Variants in SALL2 observed in about 807,000 individuals in gnomAD.
SALL2 encodes the protein sal-like protein 2.
In SALL2, 32 loss-of-function variants were observed where a neutral mutation model predicts 58.5. The ratio of observed to expected loss-of-function variants is 0.55; its 90% confidence interval spans 0.41 to 0.74. The LOEUF (loss-of-function observed/expected upper bound fraction) is 0.74, where lower values mean the gene tolerates loss of function less well. Ranked by LOEUF, SALL2 falls within the 30% of genes least tolerant of loss-of-function variation. The pLI is 0.00. For synonymous variants in SALL2, 516 were observed against 513.6 expected (o/e 1.00, Z -0.06); for missense variants, 1,201 against 1,268.9 (o/e 0.95, Z 0.81).
Position 21,523,444 on chromosome 14 carries a change from A to T in SALL2, c.2278T>A (p.Leu760Met). The change falls in exon 2 of 2, where the codon TTG becomes ATG. Residue 760 changes from leucine to methionine, a missense_variant. Physicochemically the swap from Leu to Met is conservative, Grantham distance 15. Coordinates refer to ENST00000537235, the MANE Select transcript of SALL2 (RefSeq NM_001364564.1). The surrounding 1 kb of genome is among the most constrained non-coding windows in gnomAD (Gnocchi z 4.4). ...TCCTCCTCTTCCTCCTCCTCAGACA[A>T]CTCCTCTTCCGGTGATGGCTGCTGG... Reference protein sequence around the residue: ...QSQQPSPEEELSEEEEEEDEE... With the variant: ...QSQQPSPEEEMSEEEEEEDEE... 6.2e-7 allele frequency: 1 copy of T among 1,612,302 alleles called. No individual in the cohort carries two copies. Among genetic ancestry groups the T allele is most frequent in the Non-Finnish European group, 8.5e-7 (1 of 1,179,498 alleles).
chr14:21,528,677 G>A (rs2139678510), upstream of SALL2, among the ~76,000 whole-genome samples: 1 of 152,262 alleles, frequency 6.6e-6, no homozygotes. Context: ...GCTTGGAGAG[G>A]TTAAGTGACT....
chr14:21,526,443 G>A (rs1594465190), upstream of SALL2: 1 of 1,324,682 alleles, frequency 7.5e-7, no homozygotes, highest in South Asian at 1.7e-5. Context: ...TAGCGGGGGC[G>A]TGGGGGCGGG....
chr14:21,534,530 G>GAC (rs1333364921), intron 1 of SALL2, among the ~76,000 whole-genome samples: 1 of 152,084 alleles, frequency 6.6e-6, no homozygotes, highest in African/African-American at 2.4e-5. Flanking sequence ...ATCCATTCAA[G>GAC]ACAGCCGCTA....
upstream of SALL2, among the ~76,000 whole-genome samples, chr14:21,530,310 G>A (rs566955497): frequency 2.6e-5 from 3 of 113,440 alleles, no homozygotes; most frequent in South Asian, 5.5e-4. Context: ...TTTTTGAGAC[G>A]GAGTTTTGCT....
chr14:21,522,838 G>A lies in SALL2; in HGVS notation c.2884C>T (p.His962Tyr), dbSNP rs1892094216. ...TLKKHMLLAH[H>Y]QVQPFAPHGP... ...TGGGGGGCAAAGGGCTGTACCTGGT[G>A]GTGTGCCAGGAGCATATGCTTCTTG... The change falls in exon 2 of 2, where the codon CAC becomes TAC. Residue 962 changes from histidine to tyrosine, a missense_variant. Around this residue, in one of 3 missense-constraint regions of SALL2, gnomAD observed 675 missense variants for 683.8 expected, o/e 0.99. Coordinates refer to ENST00000537235, the MANE Select transcript of SALL2 (RefSeq NM_001364564.1). 2 of 1,610,558 alleles carry A rather than the reference G, an allele frequency of 1.2e-6. No individual in the cohort carries two copies. Among genetic ancestry groups the A allele is most frequent in the Non-Finnish European group, 1.7e-6 (2 of 1,178,526 alleles).
upstream of SALL2, among the ~76,000 whole-genome samples, chr14:21,528,063 A>G (rs978985816): frequency 5.3e-5 from 8 of 151,848 alleles, no homozygotes; most frequent in East Asian, 1.2e-3. Flanking sequence ...GCTTGAACCC[A>G]GGAGGTGGAG....
At chr14:21,536,821 G>C in intron 1 of SALL2, 1 of 1,610,000 alleles carries the variant, frequency 6.2e-7, no homozygotes, top group Non-Finnish European at 8.5e-7. Flanking sequence ...TTGGACTTAG[G>C]GGCCCCCACC....
chr14:21,532,972 A>AT (rs1555329460), intron 1 of SALL2, among the ~76,000 whole-genome samples: 1 of 151,664 alleles, frequency 6.6e-6, no homozygotes. Context: ...CAAAATAATA[A>AT]AAATAAATAA....
chr14:21,526,204 G>C lies in SALL2; in HGVS notation c.-77C>G. On this transcript the variant is annotated 5_prime_UTR_variant, in exon 1 of 2. Transcript: ENST00000537235. ...GATTGAGGGAGGCGATGGCCGCTGG[G>C]TCTGCGGCAGCCTCTGCACCCAGCG... 1 of 1,522,918 alleles carries C rather than the reference G, an allele frequency of 6.6e-7. No individual in the cohort carries two copies. The highest frequency in any genetic ancestry group is 8.8e-7 in the Non-Finnish European group (1 of 1,138,818). The allele number at this position is 1,522,918 out of a possible 1,614,324, so 94.3% of individuals were successfully genotyped here.
In SALL2 at chr14:21,522,813, TG is replaced by T; in HGVS notation, c.2908del (p.His970MetfsTer11). On this transcript the variant is annotated frameshift_variant, in exon 2 of 2. Transcript: ENST00000537235. LOFTEE classifies it high-confidence loss of function. ...AAGAGCAGCAATATTCTGAGGGCCA[TG>T]GGGGGCAAAGGGCTGTACCTGGTGG... Reference protein sequence around the residue: ...AHHQVQPFAPHGPQNIAALSL... With the variant: ...AHHQVQPFAPXGPQNIAALSL... The T allele has an allele frequency of 6.2e-7, 1 of 1,607,836 alleles. No individual in the cohort carries two copies.
At position 21,526,291 on chromosome 14, in the gene SALL2, G is replaced by C; in HGVS notation, c.-164C>G. ...GGCAGGGAGCAGCGGCGGAGGGGGA[G>C]GGGAGCGAGGAGGCGGGGAGAAGCT... On this transcript the variant is annotated 5_prime_UTR_variant, in exon 1 of 2. Transcript: ENST00000537235. 6.9e-7 allele frequency: 1 copy of C among 1,438,928 alleles called. No individual in the cohort carries two copies. The highest frequency in any genetic ancestry group is 9.1e-7 in the Non-Finnish European group (1 of 1,100,964). The allele number at this position is 1,438,928 out of a possible 1,614,324, so 89.1% of individuals were successfully genotyped here. A position where few individuals can be genotyped will look rare whatever the true frequency, so the allele number is the denominator to read the frequency against.
chr14:21,535,712 C>A (rs77341652), intron 1 of SALL2, among the ~76,000 whole-genome samples: 1 of 152,260 alleles, frequency 6.6e-6, no homozygotes, highest in African/African-American at 2.4e-5. Context: ...GTTTCAGAAC[C>A]CTTGTGCTTA....
rs777874080 is a variant in SALL2 at position 21,524,849 on chromosome 14, C to T, written c.873G>A (p.Gly291=). Residue 291 remains glycine (G), a synonymous_variant, in exon 2 of 2, where the codon GGG becomes GGA. Coordinates refer to ENST00000537235, the MANE Select transcript of SALL2 (RefSeq NM_001364564.1). The part of the protein sequence containing the change: ...SQHPFSAGGV[G]RSHKPTPAPS... ...GGGCAGGGGTGGGTTTGTGGCTTCGCCCAACCCCTCCAGCAGAGAAAGGAT... is the reference window on the plus strand; with the variant it reads ...GGGCAGGGGTGGGTTTGTGGCTTCGTCCAACCCCTCCAGCAGAGAAAGGAT... 3.1e-6 allele frequency: 5 copies of T among 1,613,374 alleles called. No homozygotes were observed. Among genetic ancestry groups the T allele is most frequent in the South Asian group, 1.1e-5 (1 of 90,982 alleles).
chr14:21,532,371 G>T (rs1482666859), intron 1 of SALL2, among the ~76,000 whole-genome samples: 1 of 152,152 alleles, frequency 6.6e-6, no homozygotes, highest in Non-Finnish European at 1.5e-5. Flanking sequence ...TGATGAAAAA[G>T]ATATTGAAAC....
In SALL2 at chr14:21,524,006, G is replaced by C. The variant is rs758581809; in HGVS notation, c.1716C>G (p.Pro572=). 1.1e-5 allele frequency: 18 copies of C among 1,614,246 alleles called. No homozygotes were observed. The highest frequency in any genetic ancestry group is 1.4e-5 in the Non-Finnish European group (17 of 1,180,042). Residue 572 remains proline, a synonymous_variant, in exon 2 of 2, where the codon CCC becomes CCG. Transcript: ENST00000537235. ...CCAAGGGCTCTAGCACATAGGGGAA[G>C]GGGAAGCTGCCAGTGGACTTGAAGT... The part of the protein sequence containing the change: ...TNHFKSTGSF[P]FPYVLEPLGA...
intron 1 of SALL2, among the ~76,000 whole-genome samples, chr14:21,535,506 C>T (rs923977252): frequency 6.6e-6 from 1 of 152,134 alleles, no homozygotes; most frequent in Non-Finnish European, 1.5e-5. Flanking sequence ...ATATTAAGCA[C>T]TTATTTATGC....
At chr14:21,537,085 C>G (rs1040968072) in exon 1 of SALL2, 2 of 619,620 alleles carry the variant, frequency 3.2e-6, no homozygotes, top group South Asian at 3.9e-5. Flanking sequence ...CACAGACTCT[C>G]TCTCTCTCTC....
chr14:21,522,507 GA>G lies in SALL2; in HGVS notation c.*196del, dbSNP rs991057336. The G allele has an allele frequency of 1.2e-5, 17 of 1,385,534 alleles. 1 individual carries two copies. In the Admixed American group the frequency reaches 5.4e-4, roughly 44 times the overall value. The allele number at this position is 1,385,534 out of a possible 1,614,324, so 85.8% of individuals were successfully genotyped here. On this transcript the variant is annotated 3_prime_UTR_variant, in exon 2 of 2. Transcript: ENST00000537235. ...TCAGGTACAAAGAATGAGGAGGGAA[GA>G]AAAATTCCTTAGGGGGCCATCCCCT...
upstream of SALL2, among the ~76,000 whole-genome samples, chr14:21,527,186 C>T (rs1403764518): frequency 6.6e-6 from 1 of 152,202 alleles, no homozygotes; most frequent in Non-Finnish European, 1.5e-5. Context: ...GAGGCCCACC[C>T]AGCTCTAACC....
Sources: gnomAD v4.1 joint callset for allele counts (sites outside exome capture counted in the v4.1 genomes callset) on GRCh38, gnomAD v4.1.1 for gene constraint, gnomAD v4.1.1 regional missense constraint, Gnocchi (gnomAD v3.1) non-coding constraint, MANE v1.5 for transcripts, NCBI Gene and HGNC (gene_info 2026-07-23, HGNC 2026-07-21) for gene names.